Variants in RREB1 observed in about 807,000 individuals in gnomAD.
RREB1 encodes ras-responsive element-binding protein 1.
Under a neutral mutation model 117.8 loss-of-function variants are expected in RREB1, and 27 were observed. The ratio of observed to expected loss-of-function variants is 0.23; its 90% CI spans 0.17 to 0.32. The LOEUF (loss-of-function observed/expected upper bound fraction) is 0.32, where lower values mean the gene tolerates loss of function less well. Ranked by LOEUF, RREB1 falls within the 10% of genes least tolerant of loss-of-function variation. The pLI, the probability that RREB1 is intolerant of heterozygous loss-of-function variation, is 1.00. For synonymous variants in RREB1, 1,298 were observed against 1,026.7 expected (o/e 1.26, Z -5.05); for missense variants, 2,577 against 2,378.2 (o/e 1.08, Z -1.74).
chr6:7,222,850 T>A (rs965273851), intron 8 of RREB1, among the ~76,000 whole-genome samples: 1 of 152,032 alleles, frequency 6.6e-6, no homozygotes, highest in Non-Finnish European at 1.5e-5. Flanking sequence ...TAAATCTAAT[T>A]GCCATATTAA....
At position 7,246,742 on chromosome 6, in the gene RREB1, AG is replaced by A; in HGVS notation, c.4295del (p.Gly1432AlafsTer32). 6.3e-7 allele frequency: 1 copy of A among 1,574,936 alleles called. No individual in the cohort carries two copies. The highest frequency in any genetic ancestry group is 8.6e-7 in the Non-Finnish European group (1 of 1,160,806). ...ATKLMDFKLA[E>X]GDGEAGAGGA... Reference sequence around the variant, plus strand: ...AAGCTCATGGACTTCAAGCTGGCGGAGGGCGACGGCGAGGCAGGCGCCGGGG... The same window carrying A: ...AAGCTCATGGACTTCAAGCTGGCGGAGGCGACGGCGAGGCAGGCGCCGGGG... On this transcript the variant is annotated frameshift_variant, in exon 12 of 13. Coordinates refer to ENST00000379938, the MANE Select transcript of RREB1 (RefSeq NM_001003699.4). LOFTEE classifies it high-confidence loss of function.
At chr6:7,142,394 T>C (rs1018642265) in intron 1 of RREB1, among the ~76,000 whole-genome samples, 1 of 152,088 alleles carries the variant, frequency 6.6e-6, no homozygotes, top group African/African-American at 2.4e-5. Context: ...CTGGACGCCC[T>C]TGTGTCCTCC....
Position 7,231,275 on chromosome 6 carries a change from C to G in RREB1, c.3176C>G (p.Thr1059Arg), listed in dbSNP as rs775143618. Reference protein sequence around the residue: ...PPLLLPKPPVTEELPPLASIA... With the variant: ...PPLLLPKPPVREELPPLASIA... ...CTGCTTTTGCCAAAGCCCCCCGTGA[C>G]AGAAGAGCTGCCCCCGCTGGCCTCC... Residue 1059 changes from threonine (T) to arginine (R), a missense_variant, in exon 10 of 13, where the codon ACA becomes AGA. Physicochemically the swap from Thr to Arg is moderately conservative, Grantham distance 71 (BLOSUM62 -1). Transcript: ENST00000379938. 6.8e-6 allele frequency: 11 copies of G among 1,611,426 alleles called. No homozygotes were observed. Among genetic ancestry groups the G allele is most frequent in the Middle Eastern group, 1.7e-4 (1 of 6,050 alleles).
At chr6:7,110,886 C>T (rs1761108893) in intron 1 of RREB1, among the ~76,000 whole-genome samples, 1 of 152,126 alleles carries the variant, frequency 6.6e-6, no homozygotes, top group Admixed American at 6.5e-5. Context: ...CTAGATACTG[C>T]TTTATTTCTC....
At chr6:7,201,223 G>C (rs1248630120) in intron 6 of RREB1, among the ~76,000 whole-genome samples, 1 of 152,218 alleles carries the variant, frequency 6.6e-6, no homozygotes, top group Non-Finnish European at 1.5e-5. Context: ...GTGTGTGTCC[G>C]GTTTAGTTTC....
intron 8 of RREB1, among the ~76,000 whole-genome samples, chr6:7,223,049 G>C (rs1046663381): frequency 6.6e-6 from 1 of 152,062 alleles, no homozygotes; most frequent in Non-Finnish European, 1.5e-5. Context: ...GAGCCCAGGA[G>C]TTCGAGACCA....
intron 1 of RREB1, among the ~76,000 whole-genome samples, chr6:7,111,668 G>C (rs1008479331): frequency 2.0e-5 from 3 of 152,062 alleles, no homozygotes; most frequent in Admixed American, 6.5e-5. Flanking sequence ...AGTTTGTTTT[G>C]GTTTTGTTAT....
intron 10 of RREB1, 137 bp from the exon 11 acceptor site, chr6:7,240,301 G>A (rs1193284643): frequency 6.3e-6 from 3 of 476,338 alleles, no homozygotes; most frequent in Admixed American, 3.8e-5. Context: ...TTTTTCTAAT[G>A]TGTTTTGTTA....
At chr6:7,120,548 A>G (rs1391026989) in intron 1 of RREB1, among the ~76,000 whole-genome samples, 1 of 152,154 alleles carries the variant, frequency 6.6e-6, no homozygotes, top group Non-Finnish European at 1.5e-5. Flanking sequence ...TGGGGAAAAA[A>G]CCAATGGCTG....
chr6:7,248,983 C>T lies in RREB1; in HGVS notation c.*15C>T, dbSNP rs1769281448. On this transcript the variant is annotated 3_prime_UTR_variant, in exon 13 of 13. Transcript: ENST00000379938. ...GGATGGAGTGACAGCCTCAGTCCCCCTCAGCACAGACAAAAGCCAGCAGAG... is the reference window on the plus strand; with the variant it reads ...GGATGGAGTGACAGCCTCAGTCCCCTTCAGCACAGACAAAAGCCAGCAGAG... 1.4e-6 allele frequency: 2 copies of T among 1,451,880 alleles called. No homozygotes were observed. Among genetic ancestry groups the T allele is most frequent in the African/African-American group, 1.4e-5 (1 of 70,080 alleles). 89.9% of individuals were successfully genotyped at this position (1,451,880 alleles called of 1,614,324 possible).
rs947875553 is a variant in RREB1 at position 7,167,627 on chromosome 6, G to A, written c.-284-9028G>A. On this transcript the variant is annotated intron_variant, in intron 1 of 12. Coordinates refer to ENST00000379938, the MANE Select transcript of RREB1 (RefSeq NM_001003699.4). The stretch of plus-strand genomic sequence containing the variant: ...GCCTCAGGCGTGAGCCACCGCTCCC[G>A]GCCGGGGACAGGAATTTTTTTAGAA... Among the ~76,000 whole-genome samples, 4 of 152,118 alleles carry A rather than the reference G, an allele frequency of 2.6e-5. No individual in the cohort carries two copies. The East Asian group carries it at 5.8e-4, about 22-fold the overall frequency.
chr6:7,230,490 C>T lies in RREB1; in HGVS notation c.2391C>T (p.Ala797=), dbSNP rs1455870637. 3.8e-6 allele frequency: 6 copies of T among 1,593,906 alleles called. No individual in the cohort carries two copies. The highest frequency in any genetic ancestry group is 2.2e-5 in the East Asian group (1 of 44,592). The change falls in exon 10 of 13, where the codon GCC becomes GCT. Residue 797 remains alanine (A), a synonymous_variant. Transcript: ENST00000379938. Reference sequence around the variant, plus strand: ...CCTTCGAGTGCAAGGAGTGCAGCGCCGCGTTCGCGGCCAAGCGCAACTGCA... The same window carrying T: ...CCTTCGAGTGCAAGGAGTGCAGCGCTGCGTTCGCGGCCAAGCGCAACTGCA... ...RKPFECKECS[A]AFAAKRNCIH...
At chr6:7,124,708 C>CT (rs1421315906) in intron 1 of RREB1, among the ~76,000 whole-genome samples, 2 of 152,216 alleles carry the variant, frequency 1.3e-5, no homozygotes, top group African/African-American at 2.4e-5. Flanking sequence ...GTCATAAGAT[C>CT]TAACATTTAT....
chr6:7,246,522 C>T lies in RREB1; in HGVS notation c.4072C>T (p.Arg1358Cys), dbSNP rs1308515141. The T allele has an allele frequency of 1.9e-6, 3 of 1,546,626 alleles. No homozygotes were observed. Among genetic ancestry groups the T allele is most frequent in the Middle Eastern group, 1.7e-4 (1 of 5,978 alleles). ...EQPSEGATEL[R>C]QVAGDAPVEQ... is the part of the protein sequence containing the mutation. Reference sequence around the variant, plus strand: ...GCCGTCGGAGGGCGCCACTGAGCTCCGCCAGGTCGCAGGGGATGCGCCTGT... The same window carrying T: ...GCCGTCGGAGGGCGCCACTGAGCTCTGCCAGGTCGCAGGGGATGCGCCTGT... The change falls in exon 12 of 13, where the codon CGC (arginine) becomes TGC (cysteine). Residue 1358 changes from arginine to cysteine, a missense_variant. Arg to Cys is a radical substitution (Grantham distance 180). Coordinates refer to ENST00000379938, the MANE Select transcript of RREB1 (RefSeq NM_001003699.4).
At chr6:7,157,518 C>T (rs962310211) in intron 1 of RREB1, among the ~76,000 whole-genome samples, 1 of 151,934 alleles carries the variant, frequency 6.6e-6, no homozygotes, top group African/African-American at 2.4e-5. Flanking sequence ...TGCCTGTAAT[C>T]CCAGCACTTT....
At chr6:7,160,480 C>T (rs1188670408) in intron 1 of RREB1, among the ~76,000 whole-genome samples, 1 of 152,068 alleles carries the variant, frequency 6.6e-6, no homozygotes, top group Non-Finnish European at 1.5e-5. Flanking sequence ...TAAACTTGAC[C>T]TAACTTTATA....
chr6:7,243,004 C>T (rs887986788), intron 11 of RREB1, among the ~76,000 whole-genome samples: 10 of 152,180 alleles, frequency 6.6e-5, no homozygotes, highest in Non-Finnish European at 1.2e-4. Flanking sequence ...GATGATGCCC[C>T]GTCTTTGTGT....
rs1242271904 is a variant in RREB1, at chr6:7,181,924, TC to T, written c.14del (p.Ser5CysfsTer16). 6.2e-7 allele frequency: 1 copy of T among 1,614,146 alleles called. No homozygotes were observed. Among genetic ancestry groups the T allele is most frequent in the African/African-American group, 1.3e-5 (1 of 74,956 alleles). MTSSSPAGLEGSDLS... is the reference protein window; with the variant it reads MTSSXPAGLEGSDLS... ...AACCCCTGTCCCAATGACGTCAAGT[TC>T]GCCCGCTGGCTTGGAAGGTTCAGAC... On this transcript the variant is annotated frameshift_variant, in exon 4 of 13. Coordinates refer to ENST00000379938, the MANE Select transcript of RREB1 (RefSeq NM_001003699.4). LOFTEE classifies it high-confidence loss of function.
intron 1 of RREB1, among the ~76,000 whole-genome samples, chr6:7,143,198 A>G (rs575866883): frequency 1.4e-4 from 21 of 152,206 alleles, no homozygotes; most frequent in Non-Finnish European, 2.6e-4. Flanking sequence ...TAAGTGAGGC[A>G]TTGTGGTTCC....
Sources: gnomAD v4.1 joint callset for allele counts (sites outside exome capture counted in the v4.1 genomes callset) on GRCh38, gnomAD v4.1.1 for gene constraint, MANE v1.5 for transcripts, NCBI Gene and HGNC (gene_info 2026-07-23, HGNC 2026-07-21) for gene names.